ZDHHC2: variants seen among roughly 807,000 people sequenced by gnomAD.
ZDHHC2 encodes the protein palmitoyltransferase ZDHHC2.
Under a neutral mutation model 55.6 loss-of-function variants are expected in ZDHHC2, and 51 were observed. The observed-to-expected ratio is 0.92, with a 90% confidence interval of 0.73 to 1.16. ZDHHC2 has a LOEUF of 1.16. Among genes scored for constraint, ZDHHC2 ranks in the 50% most tolerant of loss-of-function variants. The pLI is 0.00. For synonymous variants in ZDHHC2, 199 were observed against 152.9 expected (o/e 1.30, Z -2.22); for missense variants, 491 against 442.4 (o/e 1.11, Z -0.99).
chr8:17,178,052 G>A lies in ZDHHC2; in HGVS notation c.131-6737G>A, dbSNP rs370698139. ...TACTGTTCTTTGCTAAGTCAAAAGG[G>A]GGAGTTCATTTTTTGTCTATTATGA... On this transcript the variant is annotated intron_variant, in intron 1 of 12. Transcript: ENST00000262096. 8.5e-5 allele frequency among the ~76,000 whole-genome samples: 13 copies of A among 152,178 alleles called. No homozygotes were observed. The South Asian group carries it at 1.2e-3, about 15-fold the overall frequency.
chr8:17,178,844 A>C (rs1805285773), intron 1 of ZDHHC2, among the ~76,000 whole-genome samples: 1 of 152,224 alleles, frequency 6.6e-6, no homozygotes, highest in Admixed American at 6.5e-5. Context: ...AGGATTTCTT[A>C]AAAAACAATT....
At chr8:17,164,036 G>T (rs777535530) in intron 1 of ZDHHC2, among the ~76,000 whole-genome samples, 1 of 152,120 alleles carries the variant, frequency 6.6e-6, no homozygotes, top group Admixed American at 6.5e-5. Context: ...ATCAAGGCAG[G>T]GGGTAGGAGG....
At chr8:17,189,596 C>G (rs535711453) in intron 3 of ZDHHC2, among the ~76,000 whole-genome samples, 52 of 152,158 alleles carry the variant, frequency 3.4e-4, no homozygotes, top group Middle Eastern at 3.2e-3. Context: ...GAAGTGACTT[C>G]TAACTTCTCT....
chr8:17,212,064 A>C (rs150140827), intron 10 of ZDHHC2, among the ~76,000 whole-genome samples: 282 of 152,256 alleles, frequency 1.9e-3, no homozygotes, highest in Non-Finnish European at 3.4e-3. Context: ...TAGTTCTGAC[A>C]CTGTTACCCA....
In ZDHHC2 at chr8:17,172,401, C is replaced by T. The variant is rs140659173; in HGVS notation, c.131-12388C>T. ...ATAGTCAGCTAAAGGAAAGAGAGAC[C>T]GTTTGGTGGTTGCCAGGGGCTGAAG... On this transcript the variant is annotated intron_variant, in intron 1 of 12. Coordinates refer to ENST00000262096, the MANE Select transcript of ZDHHC2 (RefSeq NM_016353.5). Among the ~76,000 whole-genome samples the T allele has an allele frequency of 4.6e-4, 70 of 152,184 alleles. 2 individuals carry two copies. The East Asian group carries it at 0.013, about 28-fold the overall frequency.
At position 17,210,768 on chromosome 8, in the gene ZDHHC2, A is replaced by C. The variant is rs187182481; in HGVS notation, c.950+288A>C. On this transcript the variant is annotated intron_variant, in intron 10 of 12. Coordinates refer to ENST00000262096, the MANE Select transcript of ZDHHC2 (RefSeq NM_016353.5). ...TAAATGTAGTGCTTAAAAGAAAAAA[A>C]AATGTAAGTCAAAATTAGCTACCCA... Among the ~76,000 whole-genome samples, 98 of 152,300 alleles carry C rather than the reference A, an allele frequency of 6.4e-4. 1 individual carries two copies. The highest frequency in any genetic ancestry group is 3.4e-3 in the Middle Eastern group (1 of 294).
chr8:17,187,492 T>C (rs1221168806), intron 3 of ZDHHC2, among the ~76,000 whole-genome samples: 1 of 152,042 alleles, frequency 6.6e-6, no homozygotes, highest in East Asian at 1.9e-4. Context: ...AGCCAATAAA[T>C]ATGCTATTTG....
At chr8:17,188,860 T>C (rs1181128066) in intron 3 of ZDHHC2, among the ~76,000 whole-genome samples, 1 of 152,220 alleles carries the variant, frequency 6.6e-6, no homozygotes, top group Non-Finnish European at 1.5e-5. Context: ...AGTTTTCTTA[T>C]GTCAGTAATG....
intron 1 of ZDHHC2, among the ~76,000 whole-genome samples, chr8:17,158,028 T>C (rs1804149753): frequency 6.6e-6 from 1 of 152,180 alleles, no homozygotes. Flanking sequence ...CCGAGACTTT[T>C]ATTTCATATA....
intron 1 of ZDHHC2, among the ~76,000 whole-genome samples, chr8:17,178,345 AAATT>A (rs780299362): frequency 3.3e-5 from 5 of 152,186 alleles, no homozygotes; most frequent in Admixed American, 6.6e-5. Flanking sequence ...ATTCTAGACT[AAATT>A]AATATATATA....
At chr8:17,194,143 A>G (rs940340021) in intron 3 of ZDHHC2, among the ~76,000 whole-genome samples, 3 of 152,120 alleles carry the variant, frequency 2.0e-5, no homozygotes, top group Non-Finnish European at 2.9e-5. Context: ...TGTATGTGCC[A>G]CATGTTCTTT....
chr8:17,165,676 A>G (rs944283439), intron 1 of ZDHHC2, among the ~76,000 whole-genome samples: 2 of 152,220 alleles, frequency 1.3e-5, no homozygotes, highest in South Asian at 2.1e-4. Flanking sequence ...GGAAAATGAA[A>G]TAAAAAACAT....
intron 1 of ZDHHC2, among the ~76,000 whole-genome samples, chr8:17,172,437 A>T (rs1804904508): frequency 6.6e-6 from 1 of 152,148 alleles, no homozygotes; most frequent in Admixed American, 6.5e-5. Context: ...GGAGAAGGAG[A>T]TGGGGAGTGG....
At chr8:17,190,044 C>G (rs1485731849) in intron 3 of ZDHHC2, among the ~76,000 whole-genome samples, 1 of 152,046 alleles carries the variant, frequency 6.6e-6, no homozygotes, top group Non-Finnish European at 1.5e-5. Flanking sequence ...GTGCCCAGGA[C>G]TTCAATTGAA....
intron 1 of ZDHHC2, 121 bp downstream of exon 1, chr8:17,156,974 C>G (rs958250807): frequency 9.7e-6 from 9 of 929,932 alleles, no homozygotes; most frequent in Non-Finnish European, 1.3e-5. Flanking sequence ...GCCAACCTGC[C>G]GCGTCCCGCC....
At chr8:17,216,917 T>C (rs1807677440) in intron 11 of ZDHHC2, among the ~76,000 whole-genome samples, 1 of 152,158 alleles carries the variant, frequency 6.6e-6, no homozygotes, top group African/African-American at 2.4e-5. Flanking sequence ...CTTTCATTAT[T>C]ATGTTTCTCT....
In ZDHHC2 at chr8:17,213,855, T is replaced by G. The variant is rs73555618; in HGVS notation, c.951-1382T>G. ...AAGAATAAGAATTAAAGTAAGATTT[T>G]TTATATAATATATTTAAACCTGTGT... On this transcript the variant is annotated intron_variant, in intron 10 of 12. Coordinates refer to ENST00000262096, the MANE Select transcript of ZDHHC2 (RefSeq NM_016353.5). 5.2e-3 allele frequency among the ~76,000 whole-genome samples: 791 copies of G among 152,254 alleles called. 4 individuals are homozygous for G. The highest frequency in any genetic ancestry group is 0.018 in the African/African-American group (768 of 41,560).
At chr8:17,172,933 T>A (rs1042014283) in intron 1 of ZDHHC2, among the ~76,000 whole-genome samples, 4 of 152,230 alleles carry the variant, frequency 2.6e-5, no homozygotes, top group African/African-American at 9.6e-5. Context: ...ATTCAGGTAG[T>A]GCCCTGAAAT....
intron 1 of ZDHHC2, among the ~76,000 whole-genome samples, chr8:17,184,548 G>T (rs1405058119): frequency 6.6e-6 from 1 of 152,224 alleles, no homozygotes; most frequent in African/African-American, 2.4e-5. Flanking sequence ...GTTTTGTTCC[G>T]CAGGACAGGA....
Sources: allele counts gnomAD v4.1 joint callset (sites outside exome capture counted in the v4.1 genomes callset), GRCh38; gene constraint gnomAD v4.1.1; transcripts MANE v1.5; gene names NCBI Gene and HGNC (gene_info 2026-07-23, HGNC 2026-07-21).